The following ADD3 variants were observed in gnomAD, a reference collection of about 807,000 sequenced individuals.
ADD3 encodes gamma-adducin.
In ADD3, 25 loss-of-function variants were observed where a neutral mutation model predicts 80.2. The observed-to-expected ratio is 0.31, with a 90% CI of 0.23 to 0.44. The LOEUF is 0.44. ADD3 is among the 20% of genes least tolerant of loss of function. The probability of loss-of-function intolerance (pLI) is 1.00; values close to 1 mark genes in which losing one functional copy is unlikely to be tolerated. For synonymous variants in ADD3, 284 were observed against 289.6 expected, an observed-to-expected ratio of 0.98 and a Z score of 0.20; for missense variants, 829 against 847.5, an observed-to-expected ratio of 0.98 and a Z score of 0.27.
rs190752969 is a variant in ADD3 at position 110,012,934 on chromosome 10, T to G, written c.-30+4635T>G. Among the ~76,000 whole-genome samples the G allele has an allele frequency of 4.2e-4, 64 of 152,252 alleles. No homozygotes were observed. In the East Asian group the frequency reaches 0.012, roughly 28 times the overall value. On this transcript the variant is annotated intron_variant, in intron 1 of 14. Transcript: ENST00000356080. ...GGTAAGGTTAGATCTAAATTGAGCCTTTACTTGAAGTCAGACTGATCTGCA... is the reference window on the plus strand; with the variant it reads ...GGTAAGGTTAGATCTAAATTGAGCCGTTACTTGAAGTCAGACTGATCTGCA...
intron 2 of ADD3, among the ~76,000 whole-genome samples, chr10:110,108,291 G>A (rs1849614841): frequency 1.3e-5 from 2 of 152,048 alleles, no homozygotes; most frequent in Non-Finnish European, 2.9e-5. Flanking sequence ...AGCCTAAGAG[G>A]TTTACTCAAC....
At chr10:110,118,769 G>A (rs752116914) in intron 6 of ADD3, 33 bp downstream of exon 6, 16 of 1,597,878 alleles carry the variant, frequency 1.0e-5, no homozygotes, top group African/African-American at 6.7e-5. Context: ...CTGACAGGAC[G>A]CTGGAAGATG....
intron 9 of ADD3, among the ~76,000 whole-genome samples, chr10:110,122,718 C>T (rs2134158181): frequency 6.6e-6 from 1 of 151,864 alleles, no homozygotes; most frequent in South Asian, 2.1e-4. Context: ...ACCTGCTGGG[C>T]TCAAACCATT....
chr10:110,129,150 C>CTTTCTTTCT (rs1554845124), intron 12 of ADD3, among the ~76,000 whole-genome samples: 1 of 138,310 alleles, frequency 7.2e-6, no homozygotes, highest in African/African-American at 2.7e-5. Context: ...TTCTTTCTTT[C>CTTTCTTTCT]TTTTTTTTTT....
chr10:110,008,741 G>A (rs534744711), intron 1 of ADD3, among the ~76,000 whole-genome samples: 10 of 152,164 alleles, frequency 6.6e-5, no homozygotes, highest in Middle Eastern at 3.2e-3. Context: ...AGGAAAGGGA[G>A]CGAATGTTGG....
intron 1 of ADD3, among the ~76,000 whole-genome samples, chr10:110,044,948 A>G (rs1856762168): frequency 6.6e-6 from 1 of 152,276 alleles, no homozygotes; most frequent in South Asian, 2.1e-4. Context: ...TACAAGTGGA[A>G]TCTTACTGTA....
intron 1 of ADD3, among the ~76,000 whole-genome samples, chr10:110,084,682 A>G (rs1408336530): frequency 6.6e-6 from 1 of 152,204 alleles, no homozygotes; most frequent in East Asian, 1.9e-4. Context: ...AAGCTCTAAC[A>G]TCTTTAAATT....
At chr10:110,116,461 C>CA in intron 4 of ADD3, 51 bp downstream of exon 4, 1 of 1,578,202 alleles carries the variant, frequency 6.3e-7, no homozygotes, top group Non-Finnish European at 8.7e-7. Context: ...AGCTAGAAGG[C>CA]AACTATACTC....
At chr10:110,121,417 A>C (rs1158491759) in intron 8 of ADD3, among the ~76,000 whole-genome samples, 4 of 152,214 alleles carry the variant, frequency 2.6e-5, no homozygotes, top group Non-Finnish European at 4.4e-5. Context: ...CGGGAGGCGA[A>C]GTTTGCAGTG....
At chr10:110,007,047 A>G (rs1851692770), upstream of ADD3, among the ~76,000 whole-genome samples, 1 of 151,836 alleles carries the variant, frequency 6.6e-6, no homozygotes, top group South Asian at 2.1e-4. Context: ...ATAGGTTGGG[A>G]TGAGAAACAT....
At chr10:109,999,919 GTT>G (rs1211606435) in intron 1 of ADD3, among the ~76,000 whole-genome samples, 13 of 115,726 alleles carry the variant, frequency 1.1e-4, no homozygotes, top group South Asian at 5.8e-4. Flanking sequence ...TCTTAAGGTT[GTT>G]TTTTTTTTTT....
intron 2 of ADD3, among the ~76,000 whole-genome samples, chr10:110,110,572 A>T (rs376059681): frequency 1.3e-5 from 2 of 152,320 alleles, no homozygotes; most frequent in East Asian, 3.9e-4. Context: ...AGTTCACATC[A>T]TGGAAACTTC....
chr10:110,125,482 C>T (rs1852027821), intron 10 of ADD3, among the ~76,000 whole-genome samples: 1 of 150,150 alleles, frequency 6.7e-6, no homozygotes, highest in Admixed American at 6.6e-5. Context: ...CTGCTGTCTT[C>T]AGTGCAGAAG....
At chr10:110,069,236 G>C (rs1844375972) in intron 1 of ADD3, among the ~76,000 whole-genome samples, 1 of 152,096 alleles carries the variant, frequency 6.6e-6, no homozygotes, top group Non-Finnish European at 1.5e-5. Flanking sequence ...TGTCATGATT[G>C]TATATGCTGT....
intron 1 of ADD3, among the ~76,000 whole-genome samples, chr10:110,010,413 G>C (rs1271727851): frequency 6.6e-6 from 1 of 152,152 alleles, no homozygotes; most frequent in Non-Finnish European, 1.5e-5. Flanking sequence ...ATAGAAACCT[G>C]GCTCTGAACA....
chr10:110,110,627 G>T (rs1849894562), intron 2 of ADD3, among the ~76,000 whole-genome samples: 1 of 151,798 alleles, frequency 6.6e-6, no homozygotes, highest in South Asian at 2.1e-4. Flanking sequence ...GTCAGGACTA[G>T]TTCTAACATC....
intron 1 of ADD3, among the ~76,000 whole-genome samples, chr10:110,012,606 G>A (rs1852458437): frequency 6.6e-6 from 1 of 152,242 alleles, no homozygotes; most frequent in South Asian, 2.1e-4. Flanking sequence ...TCACCAAAAG[G>A]TATAAAATGG....
intron 1 of ADD3, among the ~76,000 whole-genome samples, chr10:110,018,281 A>C (rs1326055510): frequency 6.6e-6 from 1 of 152,086 alleles, no homozygotes; most frequent in Non-Finnish European, 1.5e-5. Flanking sequence ...TAATCCCAGC[A>C]CTTTGGGAGG....
chr10:110,099,611 G>A (rs969946455), intron 1 of ADD3, among the ~76,000 whole-genome samples: 5 of 152,222 alleles, frequency 3.3e-5, no homozygotes, highest in African/African-American at 1.2e-4. Context: ...ATATTTGTAT[G>A]TGAATACAAT....
Sources: allele counts gnomAD v4.1 joint callset (sites outside exome capture counted in the v4.1 genomes callset), GRCh38; gene constraint gnomAD v4.1.1; transcripts MANE v1.5; gene names NCBI Gene and HGNC (gene_info 2026-07-23, HGNC 2026-07-21).